The following GLB1L3 variants were observed in gnomAD, a reference collection of about 807,000 sequenced individuals.
GLB1L3 encodes galactosidase beta 1 like 3, also known as beta-galactosidase-1-like protein 3.
A neutral mutation model predicts 89.5 loss-of-function variants in GLB1L3; 89 were observed. The observed-to-expected ratio is 0.99, with a 90% CI of 0.84 to 1.19. GLB1L3 has a LOEUF of 1.19. Ranked by LOEUF, GLB1L3 falls within the 50% of genes most tolerant of loss-of-function variation. The probability of loss-of-function intolerance (pLI) is 0.00; values close to 1 mark genes in which losing one functional copy is unlikely to be tolerated. For missense variants in GLB1L3, 812 were observed against 813.3 expected (o/e 1.00, Z 0.02); for synonymous variants, 314 against 312.3 (o/e 1.01, Z -0.06).
rs536165794 is a variant in GLB1L3, at chr11:134,319,524, G to C, written c.*582G>C. 2 of 151,938 alleles carry C rather than the reference G, an allele frequency of 1.3e-5. No homozygotes were observed. The highest frequency in any genetic ancestry group is 2.9e-5 in the Non-Finnish European group (2 of 68,030). 9.4% of individuals were successfully genotyped at this position (151,938 alleles called of 1,614,324 possible). A position where few individuals can be genotyped will look rare whatever the true frequency, so the allele number is the denominator to read the frequency against. Reference sequence around the variant, plus strand: ...GCAGGCTCTTATTCTTTAATTAAACGTGCCTTTGAGTAGATGTGAATAAAA... The same window carrying C: ...GCAGGCTCTTATTCTTTAATTAAACCTGCCTTTGAGTAGATGTGAATAAAA... On this transcript the variant is annotated 3_prime_UTR_variant, in exon 20 of 20. Coordinates refer to ENST00000431683, the MANE Select transcript of GLB1L3 (RefSeq NM_001080407.3).
chr11:134,278,042 A>T (rs1940477387), intron 3 of GLB1L3, 130 bp downstream of exon 3: 3 of 818,348 alleles, frequency 3.7e-6, no homozygotes, highest in Non-Finnish European at 5.9e-6. Flanking sequence ...CAGCACATAC[A>T]TTTAATGCTT....
chr11:134,312,679 C>A, intron 14 of GLB1L3, 137 bp from the exon 15 acceptor site: 1 of 957,180 alleles, frequency 1.0e-6, no homozygotes, highest in African/African-American at 1.6e-5. Flanking sequence ...TTGGGGCCTC[C>A]AGGCAGCTTC....
At chr11:134,324,005 G>A (rs1943195248), downstream of GLB1L3, among the ~76,000 whole-genome samples, 1 of 152,196 alleles carries the variant, frequency 6.6e-6, no homozygotes, top group South Asian at 2.1e-4. Flanking sequence ...TTACACATCT[G>A]TAATTCCTAA....
chr11:134,304,285 T>G (rs969081570), intron 9 of GLB1L3, among the ~76,000 whole-genome samples: 9 of 152,244 alleles, frequency 5.9e-5, no homozygotes, highest in Non-Finnish European at 1.2e-4. Flanking sequence ...TCTTTTCAGC[T>G]GTATCTATGG....
intron 18 of GLB1L3, among the ~76,000 whole-genome samples, chr11:134,317,997 A>G (rs1490744316): frequency 2.0e-5 from 3 of 152,304 alleles, no homozygotes; most frequent in East Asian, 3.9e-4. Context: ...TAGGGTTTAC[A>G]TATCATTATC....
intron 9 of GLB1L3, among the ~76,000 whole-genome samples, chr11:134,294,072 CT>C (rs1344752375): frequency 3.3e-4 from 48 of 147,302 alleles, no homozygotes; most frequent in Non-Finnish European, 2.9e-4. Flanking sequence ...TCATCAATTT[CT>C]TTTTTTTTTT....
downstream of GLB1L3, among the ~76,000 whole-genome samples, chr11:134,321,651 C>T (rs1235915236): frequency 6.6e-6 from 1 of 152,064 alleles, no homozygotes. Context: ...CCATCATTCT[C>T]AGCAAACTAT....
At chr11:134,291,295 T>G (rs1941342059) in intron 7 of GLB1L3, among the ~76,000 whole-genome samples, 1 of 150,592 alleles carries the variant, frequency 6.6e-6, no homozygotes, top group African/African-American at 2.5e-5. Context: ...TTTTCTGAGA[T>G]AGTTTTACTC....
rs575817626 is a variant in GLB1L3, at chr11:134,288,705, A to G, written c.637-93A>G. ...GGGGCCGTGGATCAGAGCCTGCCGC[A>G]CCAGCTGTGCAGCCTTCGGCAGCAA... On this transcript the variant is annotated intron_variant, in intron 6 of 19. Transcript: ENST00000431683. 1.3e-5 allele frequency: 11 copies of G among 827,368 alleles called. No individual in the cohort carries two copies. In the African/African-American group the frequency reaches 1.9e-4, roughly 14 times the overall value. The allele number at this position is 827,368 out of a possible 1,614,324, so 51.3% of individuals were successfully genotyped here. A position where few individuals can be genotyped will look rare whatever the true frequency, so the allele number is the denominator to read the frequency against.
At chr11:134,307,971 A>G (rs1021172923) in intron 10 of GLB1L3, among the ~76,000 whole-genome samples, 1 of 152,218 alleles carries the variant, frequency 6.6e-6, no homozygotes, top group Admixed American at 6.5e-5. Flanking sequence ...ATAGAAAAAC[A>G]TTGAAAAATA....
Position 134,319,083 on chromosome 11 carries a change from C to A in GLB1L3, c.*141C>A, listed in dbSNP as rs546731748. On this transcript the variant is annotated 3_prime_UTR_variant, in exon 20 of 20. Coordinates refer to ENST00000431683, the MANE Select transcript of GLB1L3 (RefSeq NM_001080407.3). ...CATTCTCCTGCCTCAGCCTCCCCAGCAGCTGGGACTACAGGTGCACGCCAC... is the reference window on the plus strand; with the variant it reads ...CATTCTCCTGCCTCAGCCTCCCCAGAAGCTGGGACTACAGGTGCACGCCAC... 4.8e-3 allele frequency: 3,042 copies of A among 636,300 alleles called. 16 individuals carry two copies. The highest frequency in any genetic ancestry group is 5.4e-3 in the Non-Finnish European group (1,948 of 361,610). 39.4% of individuals were successfully genotyped at this position (636,300 alleles called of 1,614,324 possible).
At chr11:134,318,607 AT>A in intron 18 of GLB1L3, 23 bp from the exon 19 acceptor site, 1 of 1,483,764 alleles carries the variant, frequency 6.7e-7, no homozygotes, top group Non-Finnish European at 9.4e-7. Context: ...CAATTTCCAA[AT>A]CTCAAGCCAC....
At position 134,318,989 on chromosome 11, in the gene GLB1L3, T is replaced by G. The variant is rs1460281579; in HGVS notation, c.*47T>G. 4.3e-6 allele frequency: 6 copies of G among 1,409,444 alleles called. No individual in the cohort carries two copies. Among genetic ancestry groups the G allele is most frequent in the Non-Finnish European group, 5.0e-6 (5 of 1,001,954 alleles). 87.3% of individuals were successfully genotyped at this position (1,409,444 alleles called of 1,614,324 possible). ...TTTTTTTTTGAGATGGAGTCTCACT[T>G]TGTCGCCCAGGCTGGAGTGCAGTGG... On this transcript the variant is annotated 3_prime_UTR_variant, in exon 20 of 20. Coordinates refer to ENST00000431683, the MANE Select transcript of GLB1L3 (RefSeq NM_001080407.3).
chr11:134,308,532 C>A (rs1371891975), intron 10 of GLB1L3, among the ~76,000 whole-genome samples: 3 of 73,904 alleles, frequency 4.1e-5, no homozygotes, highest in East Asian at 3.2e-4. Flanking sequence ...TCCACCACCA[C>A]TACCACCACC....
chr11:134,277,448 C>G lies in GLB1L3; in HGVS notation c.146C>G (p.Pro49Arg). ...FMLGRAHPSQ[P>R]RFNWSHLTPL... ...CTTGGAAGAGCGCATCCGTCCCAGCCTAGGTTTGCTTGAGAGCTACATCCC... is the reference window on the plus strand; with the variant it reads ...CTTGGAAGAGCGCATCCGTCCCAGCGTAGGTTTGCTTGAGAGCTACATCCC... The change falls in exon 2 of 20, where the codon CCT becomes CGT. Residue 49 changes from proline to arginine, a missense_variant. This residue lies in a region of GLB1L3 where 191 missense variants were observed against 191.4 expected (regional missense o/e 1.00). Transcript: ENST00000431683. The G allele has an allele frequency of 1.2e-6, 2 of 1,611,978 alleles. No homozygotes were observed. The highest frequency in any genetic ancestry group is 8.5e-7 in the Non-Finnish European group (1 of 1,178,702).
chr11:134,283,907 G>C (rs1940845608), intron 6 of GLB1L3, 62 bp downstream of exon 6: 2 of 978,306 alleles, frequency 2.0e-6, no homozygotes, highest in African/African-American at 1.6e-5. Flanking sequence ...GTTTGTTCTG[G>C]CTTGATCACT....
intron 6 of GLB1L3, among the ~76,000 whole-genome samples, chr11:134,285,829 C>T (rs1403965632): frequency 1.3e-5 from 2 of 151,620 alleles, no homozygotes; most frequent in African/African-American, 4.9e-5. Context: ...ATATCTTACT[C>T]TTCTGTTTGG....
intron 15 of GLB1L3, 143 bp from the exon 16 acceptor site, chr11:134,313,253 C>T (rs1466417198): frequency 4.7e-6 from 3 of 643,350 alleles, no homozygotes; most frequent in Non-Finnish European, 5.6e-6. Context: ...CAAGGCAGTC[C>T]TTAGGTGAAG....
intron 9 of GLB1L3, among the ~76,000 whole-genome samples, chr11:134,300,011 A>G (rs1211447654): frequency 6.6e-6 from 1 of 152,188 alleles, no homozygotes; most frequent in African/African-American, 2.4e-5. Flanking sequence ...AAGGTCTGGC[A>G]GTGGCGGTGG....
Sources: allele counts gnomAD v4.1 joint callset (sites outside exome capture counted in the v4.1 genomes callset), GRCh38; gene constraint gnomAD v4.1.1; regional missense constraint gnomAD v4.1.1; transcripts MANE v1.5; gene names NCBI Gene and HGNC (gene_info 2026-07-23, HGNC 2026-07-21).